Variants in C14orf39 observed in about 807,000 individuals in gnomAD.
C14orf39 encodes the protein chromosome 14 open reading frame 39.
In C14orf39, 66 loss-of-function variants were observed where a neutral mutation model predicts 85.6. The ratio of observed to expected loss-of-function variants is 0.77; its 90% confidence interval spans 0.63 to 0.95. C14orf39 has a LOEUF of 0.95. Ranked by LOEUF, C14orf39 falls within the 40% of genes least tolerant of loss-of-function variation. C14orf39 has a pLI of 0.00. For synonymous variants in C14orf39, 242 were observed against 214.0 expected (o/e 1.13, Z -1.14); for missense variants, 735 against 663.9 (o/e 1.11, Z -1.18).
intron 4 of C14orf39, among the ~76,000 whole-genome samples, chr14:60,480,254 T>A (rs1045345812): frequency 1.3e-5 from 2 of 152,124 alleles, no homozygotes; most frequent in African/African-American, 4.8e-5. Context: ...AAACCCTGTC[T>A]CTATTAAAAA....
upstream of C14orf39, among the ~76,000 whole-genome samples, chr14:60,487,707 T>C (rs1203183759): frequency 6.6e-6 from 1 of 152,240 alleles, no homozygotes; most frequent in African/African-American, 2.4e-5. Context: ...GTCTCTTCAC[T>C]GTTTCCCTAA....
At chr14:60,501,259 T>C (rs1347630265) in intron 1 of C14orf39, among the ~76,000 whole-genome samples, 1 of 150,028 alleles carries the variant, frequency 6.7e-6, no homozygotes, top group Admixed American at 6.7e-5. Flanking sequence ...TAAGCTATGA[T>C]TGTGCCACTG....
intron 1 of C14orf39, among the ~76,000 whole-genome samples, chr14:60,510,215 C>T (rs1893270000): frequency 6.6e-6 from 1 of 152,166 alleles, no homozygotes; most frequent in African/African-American, 2.4e-5. Flanking sequence ...GTCACCAAAC[C>T]AAGGCTTCAC....
rs1893349222 is a variant in C14orf39 at position 60,515,241 on chromosome 14, G to A, written c.-144+154C>T. 1 of 151,696 alleles carries A rather than the reference G, an allele frequency of 6.6e-6. No individual in the cohort carries two copies. The highest frequency in any genetic ancestry group is 2.1e-4 in the South Asian group (1 of 4,822). 9.4% of individuals were successfully genotyped at this position (151,696 alleles called of 1,614,324 possible). ...GCGGGCGCGTGGGTCCCCTCGGGGAGGCGCCCCAAGCCACGGTCCGCTCCC... is the reference window on the plus strand; with the variant it reads ...GCGGGCGCGTGGGTCCCCTCGGGGAAGCGCCCCAAGCCACGGTCCGCTCCC... On this transcript the variant is annotated intron_variant, in intron 1 of 5. Transcript: ENST00000556799. This position sits in a 1 kb window ranked among gnomAD's most constrained non-coding sequence, Gnocchi z 6.2.
chr14:60,487,836 T>G (rs1319401336), upstream of C14orf39, among the ~76,000 whole-genome samples: 1 of 152,182 alleles, frequency 6.6e-6, no homozygotes, highest in African/African-American at 2.4e-5. Context: ...CGTATCCTAT[T>G]GTGGTTTTGA....
chr14:60,510,091 G>C (rs1046185601), intron 1 of C14orf39: 1 of 911,780 alleles, frequency 1.1e-6, no homozygotes. Flanking sequence ...AGCGCGGTCT[G>C]TCTTGGGTTA....
At chr14:60,493,370 G>C (rs973905698) in intron 2 of C14orf39, among the ~76,000 whole-genome samples, 1 of 152,118 alleles carries the variant, frequency 6.6e-6, no homozygotes, top group Non-Finnish European at 1.5e-5. Flanking sequence ...GACAGATCTT[G>C]TCCGTTTACC....
Position 60,469,583 on chromosome 14 carries a change from A to G in C14orf39, c.625T>C (p.Leu209=). The change falls in exon 8 of 18, where the codon TTG becomes CTG. Residue 209 remains leucine (L), a synonymous_variant. Transcript: ENST00000321731. ...ASNLTKSSSE[L]KKEVDEMEIE... ...TCCATTTCATCTACTTCTTTCTTCA[A>G]TTCGGATGAACTTTTGGTAAGATTG... 1 of 1,519,986 alleles carries G rather than the reference A, an allele frequency of 6.6e-7. No individual in the cohort carries two copies. The highest frequency in any genetic ancestry group is 8.9e-7 in the Non-Finnish European group (1 of 1,126,516). 94.2% of individuals were successfully genotyped at this position (1,519,986 alleles called of 1,614,324 possible). A position where few individuals can be genotyped will look rare whatever the true frequency, so the allele number is the denominator to read the frequency against.
At chr14:60,489,442 A>G (rs1044530607), upstream of C14orf39, among the ~76,000 whole-genome samples, 6 of 152,248 alleles carry the variant, frequency 3.9e-5, no homozygotes, top group African/African-American at 1.4e-4. Flanking sequence ...AATAATTTCT[A>G]TAAAGCCCCT....
chr14:60,476,765 G>A (rs1373505930), intron 5 of C14orf39, among the ~76,000 whole-genome samples: 1 of 152,132 alleles, frequency 6.6e-6, no homozygotes, highest in Non-Finnish European at 1.5e-5. Flanking sequence ...GCTGGGGGAG[G>A]TCACTGAAGC....
chr14:60,459,684 T>A (rs1478056613), intron 13 of C14orf39, among the ~76,000 whole-genome samples: 1 of 151,782 alleles, frequency 6.6e-6, no homozygotes, highest in Admixed American at 6.6e-5. Context: ...ATCTGGTGGA[T>A]GTGTAATGAT....
At chr14:60,450,588 C>A (rs1890985707) in intron 16 of C14orf39, among the ~76,000 whole-genome samples, 1 of 152,230 alleles carries the variant, frequency 6.6e-6, no homozygotes, top group Non-Finnish European at 1.5e-5. Context: ...GCCAGGGGAA[C>A]TAGCCACCTG....
intron 7 of C14orf39, 115 bp downstream of exon 7, chr14:60,471,302 T>C (rs1404658648): frequency 9.0e-6 from 8 of 890,818 alleles, no homozygotes; most frequent in Non-Finnish European, 1.4e-5. Flanking sequence ...TTAAATATTT[T>C]AATTAAACAC....
chr14:60,454,470 A>G (rs1448465041), intron 16 of C14orf39, among the ~76,000 whole-genome samples: 2 of 152,022 alleles, frequency 1.3e-5, no homozygotes, highest in African/African-American at 4.8e-5. Context: ...TTCAGAGTCT[A>G]GTTTTAACCA....
chr14:60,448,147 A>T (rs1042962432), intron 16 of C14orf39, among the ~76,000 whole-genome samples: 5 of 152,156 alleles, frequency 3.3e-5, no homozygotes, highest in Non-Finnish European at 4.4e-5. Flanking sequence ...GGACTTCATG[A>T]CCAAAACACC....
chr14:60,451,209 G>A (rs558677165), intron 16 of C14orf39, among the ~76,000 whole-genome samples: 2 of 152,244 alleles, frequency 1.3e-5, no homozygotes, highest in Non-Finnish European at 2.9e-5. Context: ...GAGAGGATGT[G>A]GAGAAATAGG....
At chr14:60,513,509 G>C (rs962742230) in intron 1 of C14orf39, among the ~76,000 whole-genome samples, 1 of 152,144 alleles carries the variant, frequency 6.6e-6, no homozygotes, top group Non-Finnish European at 1.5e-5. Flanking sequence ...ATCTGACAAG[G>C]AGTAGCCACG....
chr14:60,514,754 T>C (rs944926801), intron 1 of C14orf39, among the ~76,000 whole-genome samples: 3 of 152,210 alleles, frequency 2.0e-5, no homozygotes, highest in Admixed American at 2.0e-4. Context: ...GAAAAAAATA[T>C]TGTATCCAAA....
chr14:60,476,049 A>C (rs542930326), intron 5 of C14orf39, among the ~76,000 whole-genome samples: 2 of 152,184 alleles, frequency 1.3e-5, no homozygotes, highest in African/African-American at 4.8e-5. Context: ...CTGAATCTTA[A>C]GAAAGTTTTA....
Sources: gnomAD v4.1 joint callset for allele counts (sites outside exome capture counted in the v4.1 genomes callset) on GRCh38, gnomAD v4.1.1 for gene constraint, Gnocchi (gnomAD v3.1) non-coding constraint, MANE v1.5 for transcripts, NCBI Gene and HGNC (gene_info 2026-07-23, HGNC 2026-07-21) for gene names.